The following TMEM74 variants were observed in gnomAD, a reference collection of about 807,000 sequenced individuals.
TMEM74 encodes the protein transmembrane protein 74.
A neutral mutation model predicts 18.1 loss-of-function variants in TMEM74; 13 were observed. The ratio of observed to expected loss-of-function variants is 0.72; its 90% CI spans 0.47 to 1.14. The LOEUF (loss-of-function observed/expected upper bound fraction) is 1.14, where lower values mean the gene tolerates loss of function less well. Ranked by LOEUF, TMEM74 falls within the 50% of genes most tolerant of loss-of-function variation. The probability of loss-of-function intolerance (pLI) is 0.00; values close to 1 mark genes in which losing one functional copy is unlikely to be tolerated. For missense variants in TMEM74, 372 were observed against 375.9 expected (o/e 0.99, Z 0.09); for synonymous variants, 159 against 146.6 (o/e 1.08, Z -0.61).
intron 2 of TMEM74, among the ~76,000 whole-genome samples, chr8:108,645,129 T>TA (rs923403980): frequency 1.3e-5 from 2 of 151,896 alleles, no homozygotes; most frequent in Non-Finnish European, 2.9e-5. Flanking sequence ...GTAGATTGGA[T>TA]AAAAAAATGT....
chr8:108,641,844 C>T (rs1379323467), intron 2 of TMEM74, among the ~76,000 whole-genome samples: 1 of 152,154 alleles, frequency 6.6e-6, no homozygotes. Flanking sequence ...GCTTCATAAA[C>T]TTTATTCCAT....
intron 1 of TMEM74, among the ~76,000 whole-genome samples, chr8:108,658,153 C>G (rs1346607700): frequency 6.6e-6 from 1 of 151,610 alleles, no homozygotes; most frequent in Non-Finnish European, 1.5e-5. Flanking sequence ...GAATTATGAG[C>G]TTAAGCCAAA....
intron 1 of TMEM74, among the ~76,000 whole-genome samples, chr8:108,766,405 C>A (rs1244954021): frequency 1.3e-5 from 2 of 152,036 alleles, no homozygotes; most frequent in Non-Finnish European, 2.9e-5. Flanking sequence ...AAATTATATT[C>A]TTTAACCTTC....
intron 1 of TMEM74, among the ~76,000 whole-genome samples, chr8:108,772,816 G>A (rs1243789346): frequency 6.6e-6 from 1 of 151,986 alleles, no homozygotes; most frequent in Non-Finnish European, 1.5e-5. Flanking sequence ...TGTGACCTTG[G>A]GGAAGCTAAT....
intron 2 of TMEM74, among the ~76,000 whole-genome samples, chr8:108,631,262 G>C (rs527912736): frequency 6.6e-6 from 1 of 151,970 alleles, no homozygotes; most frequent in Admixed American, 6.6e-5. Flanking sequence ...GTCCTGAAGT[G>C]GTGTTGGTGA....
At chr8:108,619,215 T>C (rs1480468676) in intron 2 of TMEM74, among the ~76,000 whole-genome samples, 2 of 152,162 alleles carry the variant, frequency 1.3e-5, no homozygotes, top group Non-Finnish European at 2.9e-5. Context: ...AAAATAAGTA[T>C]TAGAAAATAA....
intron 1 of TMEM74, among the ~76,000 whole-genome samples, chr8:108,786,792 C>T (rs1814391047): frequency 6.6e-6 from 1 of 152,218 alleles, no homozygotes; most frequent in Non-Finnish European, 1.5e-5. Flanking sequence ...TAACTCATCA[C>T]ACTAGCCTAC....
At chr8:108,739,652 C>G (rs1497633) in intron 1 of TMEM74, among the ~76,000 whole-genome samples, 109,911 of 152,078 alleles carry the variant, frequency 0.72, 40,990 homozygotes, top group African/African-American at 0.91. Flanking sequence ...TCATAGGATT[C>G]CTCATGTGAT....
At chr8:108,684,700 T>TA (rs563288817) in intron 1 of TMEM74, among the ~76,000 whole-genome samples, 44 of 151,720 alleles carry the variant, frequency 2.9e-4, no homozygotes, top group African/African-American at 1.1e-3. Flanking sequence ...ATAGTTTTTT[T>TA]TTTTTATCAT....
At chr8:108,761,309 T>C (rs1476835202) in intron 1 of TMEM74, among the ~76,000 whole-genome samples, 1 of 152,054 alleles carries the variant, frequency 6.6e-6, no homozygotes, top group Admixed American at 6.6e-5. Flanking sequence ...AACATATAAA[T>C]AGAACCTACC....
At chr8:108,617,247 T>C (rs957439115) in intron 2 of TMEM74, among the ~76,000 whole-genome samples, 6 of 152,154 alleles carry the variant, frequency 3.9e-5, no homozygotes, top group Admixed American at 1.3e-4. Flanking sequence ...ACTCTTTTCC[T>C]TAGTTTGGTC....
intron 1 of TMEM74, among the ~76,000 whole-genome samples, chr8:108,731,938 C>A (rs1813699661): frequency 6.6e-6 from 1 of 151,484 alleles, no homozygotes; most frequent in African/African-American, 2.4e-5. Flanking sequence ...ACCATTTTTT[C>A]TCCTAAGTCA....
chr8:108,649,942 T>G (rs1462374388), intron 2 of TMEM74, among the ~76,000 whole-genome samples: 1 of 152,170 alleles, frequency 6.6e-6, no homozygotes, highest in Non-Finnish European at 1.5e-5. Context: ...GGCCATCAGA[T>G]ATTAACAGTT....
chr8:108,689,670 C>G (rs1238376193), intron 1 of TMEM74, among the ~76,000 whole-genome samples: 2 of 152,154 alleles, frequency 1.3e-5, no homozygotes, highest in African/African-American at 4.8e-5. Flanking sequence ...CTTTGGATTC[C>G]AGTTTATTGA....
intron 1 of TMEM74, among the ~76,000 whole-genome samples, chr8:108,726,185 C>A (rs1334194517): frequency 2.0e-5 from 3 of 152,110 alleles, no homozygotes. Context: ...ATCATCATCT[C>A]TAAGGTCTCT....
intron 1 of TMEM74, among the ~76,000 whole-genome samples, chr8:108,657,578 C>G (rs1812831924): frequency 6.6e-6 from 1 of 151,646 alleles, no homozygotes; most frequent in Non-Finnish European, 1.5e-5. Flanking sequence ...TATTTTTGGA[C>G]CGGGCGCGGT....
At chr8:108,786,683 T>A (rs1407370753) in intron 1 of TMEM74, among the ~76,000 whole-genome samples, 2 of 152,182 alleles carry the variant, frequency 1.3e-5, no homozygotes, top group Non-Finnish European at 2.9e-5. Context: ...AAAGGATCCC[T>A]CAATGAATGA....
downstream of TMEM74, among the ~76,000 whole-genome samples, chr8:108,775,783 T>C (rs1449787277): frequency 3.9e-5 from 6 of 152,210 alleles, no homozygotes; most frequent in Non-Finnish European, 1.5e-5. Context: ...AATTCTTTCC[T>C]GAGCTCATCA....
intron 2 of TMEM74, among the ~76,000 whole-genome samples, chr8:108,634,818 C>T (rs1485220709): frequency 6.6e-6 from 1 of 152,006 alleles, no homozygotes; most frequent in Non-Finnish European, 1.5e-5. Flanking sequence ...GTATTCACAG[C>T]ACCAAGGAGC....
Sources: allele counts gnomAD v4.1 joint callset (sites outside exome capture counted in the v4.1 genomes callset), GRCh38; gene constraint gnomAD v4.1.1; transcripts MANE v1.5; gene names NCBI Gene and HGNC (gene_info 2026-07-23, HGNC 2026-07-21).